HDAC10: variants seen among roughly 807,000 people sequenced by gnomAD.
HDAC10 encodes histone deacetylase 10, also known as polyamine deacetylase HDAC10.
In HDAC10, 90 loss-of-function variants were observed where a neutral mutation model predicts 82.3. That is an observed-to-expected ratio of 1.09 (90% CI 0.92 to 1.30). The LOEUF (loss-of-function observed/expected upper bound fraction) is 1.30. Among genes scored for constraint, HDAC10 ranks in the 50% most tolerant of loss-of-function variants. HDAC10 has a pLI of 0.00. For missense variants in HDAC10, 934 were observed against 876.3 expected (o/e 1.07, Z -0.83); for synonymous variants, 456 against 391.7 (o/e 1.16, Z -1.94).
Position 50,250,522 on chromosome 22 carries a change from G to A in HDAC10, c.196C>T (p.Pro66Ser). Residue 66 changes from proline to serine, a missense_variant and splice_region_variant, in exon 3 of 20, where the codon CCA becomes TCA. Physicochemically the swap from Pro to Ser is moderately conservative, Grantham distance 74 (BLOSUM62 -1). Transcript: ENST00000216271. ...SEEELGLVHS[P>S]EYVSLVRETQ... is the part of the protein sequence containing the mutation. Reference sequence around the variant, plus strand: ...TCCCTGACCAGGGATACATACTCTGGGCTGCATGCAGATGGGCAGGCAGGA... The same window carrying A: ...TCCCTGACCAGGGATACATACTCTGAGCTGCATGCAGATGGGCAGGCAGGA... 1 of 1,612,014 alleles carries A rather than the reference G, an allele frequency of 6.2e-7. No homozygotes were observed. The highest frequency in any genetic ancestry group is 1.1e-5 in the South Asian group (1 of 91,070).
chr22:50,245,496 C>T lies in HDAC10; in HGVS notation c.*11G>A, dbSNP rs1206775844. ...ATTTCTGCGGTGTAAATGCTCCCAC[C>T]TTGGCCGATTTCAAGCCACCAGGTG... On this transcript the variant is annotated 3_prime_UTR_variant, in exon 20 of 20. Transcript: ENST00000216271. 1 of 838,886 alleles carries T rather than the reference C, an allele frequency of 1.2e-6. No homozygotes were observed. The highest frequency in any genetic ancestry group is 1.7e-5 in the African/African-American group (1 of 60,288). The allele number at this position is 838,886 out of a possible 1,614,324, so 52.0% of individuals were successfully genotyped here.
rs1202192070 is a variant in HDAC10, at chr22:50,250,491, T to C, written c.227A>G (p.Gln76Arg). Residue 76 changes from glutamine (Q) to arginine (R), a missense_variant, in exon 3 of 20, where the codon CAG becomes CGG. By Grantham distance (43) the Gln-to-Arg change is conservative (BLOSUM62 1). Coordinates refer to ENST00000216271, the MANE Select transcript of HDAC10 (RefSeq NM_032019.6). ...CTGCAGCTCCTCCTTGCCTAGGACC[T>C]GGGTCTCCCTGACCAGGGATACATA... ...PEYVSLVRET[Q>R]VLGKEELQAL... is the part of the protein sequence containing the mutation. 1.2e-6 allele frequency: 2 copies of C among 1,612,534 alleles called. No individual in the cohort carries two copies. Among genetic ancestry groups the C allele is most frequent in the Admixed American group, 3.3e-5 (2 of 59,994 alleles).
rs915740664 is a variant in HDAC10, at chr22:50,248,046, G to A, written c.1181C>T (p.Ala394Val). The A allele has an allele frequency of 5.0e-6, 8 of 1,611,112 alleles. No individual in the cohort carries two copies. In the African/African-American group the frequency reaches 1.1e-4, roughly 22 times the overall value. ...CGGCTGGTCCAGGAGGGAGCTCGGT[G>A]CAGATGCAGCTGCCTTACACACTGG... is the stretch of plus-strand genomic sequence containing the variant. ...GGPVCKAAASAPSSLLDQPCL... is the reference protein window; with the variant it reads ...GGPVCKAAASVPSSLLDQPCL... Residue 394 changes from alanine (A) to valine (V), a missense_variant, in exon 13 of 20, where the codon GCA becomes GTA. Physicochemically the swap from Ala to Val is moderately conservative, Grantham distance 64. Coordinates refer to ENST00000216271, the MANE Select transcript of HDAC10 (RefSeq NM_032019.6). The surrounding 1 kb of genome is among the most constrained non-coding windows in gnomAD (Gnocchi z 5.4).
chr22:50,250,374 C>T, intron 3 of HDAC10, 53 bp downstream of exon 3: 1 of 1,558,414 alleles, frequency 6.4e-7, no homozygotes, highest in South Asian at 1.1e-5. Context: ...TGTGAACGCT[C>T]AAAGGCACGT....
chr22:50,249,588 CA>C lies in HDAC10; in HGVS notation c.563+46del, dbSNP rs760521718. On this transcript the variant is annotated intron_variant, in intron 6 of 19. Transcript: ENST00000216271. This position sits in a 1 kb window ranked among gnomAD's most constrained non-coding sequence, Gnocchi z 4.4. ...ATTTTCCCAGGCCAGGCTGTGCACC[CA>C]AAAACTGGGGCTGCAGGGAAGGGTG... 4 of 1,611,022 alleles carry C rather than the reference CA, an allele frequency of 2.5e-6. No homozygotes were observed. The highest frequency in any genetic ancestry group is 2.2e-5 in the South Asian group (2 of 91,038).
chr22:50,250,947 AC>A (rs780245297), intron 1 of HDAC10, 26 bp downstream of exon 1: 51 of 1,610,300 alleles, frequency 3.2e-5, no homozygotes, highest in Non-Finnish European at 4.1e-5. Context: ...CCCTCCCCGC[AC>A]CCCACCTCGG....
chr22:50,246,069 G>A lies in HDAC10; in HGVS notation c.1674C>T (p.Cys558=). 1 of 1,609,564 alleles carries A rather than the reference G, an allele frequency of 6.2e-7. No individual in the cohort carries two copies. Among genetic ancestry groups the A allele is most frequent in the Non-Finnish European group, 8.5e-7 (1 of 1,177,606 alleles). ...CCAGGGGCAGCACCAAGCCCAAGAT[G>A]CAGCTCAGGAAACCACCGGTCATCT... ...LPVMTGGFLS[C]ILGLVLPLAY... is the part of the protein sequence containing the mutation. Residue 558 remains cysteine, a synonymous_variant, in exon 18 of 20, where the codon TGC becomes TGT. Transcript: ENST00000216271.
At position 50,249,929 on chromosome 22, in the gene HDAC10, T is replaced by C. The variant is rs752069436; in HGVS notation, c.425A>G (p.Asn142Ser). The C allele has an allele frequency of 3.1e-6, 5 of 1,612,752 alleles. No homozygotes were observed. The highest frequency in any genetic ancestry group is 1.6e-4 in the Middle Eastern group (1 of 6,062). Residue 142 changes from asparagine (N) to serine (S), a missense_variant, in exon 5 of 20, where the codon AAC (asparagine) becomes AGC (serine). Coordinates refer to ENST00000216271, the MANE Select transcript of HDAC10 (RefSeq NM_032019.6). The surrounding 1 kb of genome is among the most constrained non-coding windows in gnomAD (Gnocchi z 4.4). ...CACGTTGTTGAACACACAGAACCCG[T>C]TGGCAGCCGCCCTCTGGCCATGGTG... is the stretch of plus-strand genomic sequence containing the variant. The part of the protein sequence containing the change: ...PGHHGQRAAA[N>S]GFCVFNNVAI...
chr22:50,249,227 G>GT lies in HDAC10; in HGVS notation c.691-60_691-59insA. The GT allele has an allele frequency of 2.5e-6, 3 of 1,208,236 alleles. No homozygotes were observed. Among genetic ancestry groups the GT allele is most frequent in the Non-Finnish European group, 3.3e-6 (3 of 906,820 alleles). 74.8% of individuals were successfully genotyped at this position (1,208,236 alleles called of 1,614,324 possible). On this transcript the variant is annotated intron_variant, in intron 7 of 19. Coordinates refer to ENST00000216271, the MANE Select transcript of HDAC10 (RefSeq NM_032019.6). The surrounding 1 kb of genome is among the most constrained non-coding windows in gnomAD (Gnocchi z 4.4). ...TGGGGCAGGGGAGGGGCCCGGGGGA[G>GT]GGGGTGGGTGGGGACCTGGGGCTTG...
chr22:50,247,826 C>T (rs771403980), intron 13 of HDAC10, 50 bp from the exon 14 acceptor site: 1 of 1,612,602 alleles, frequency 6.2e-7, no homozygotes, highest in Middle Eastern at 1.6e-4. Flanking sequence ...GACCGCAGGT[C>T]AGGCACACAC....
At position 50,246,696 on chromosome 22, in the gene HDAC10, T is replaced by C; in HGVS notation, c.1554A>G (p.Pro518=). ...AGTCCTACCCGTCATGGGCGAGGTC[T>C]GGAGGCCGGTCCAGCTGTCCCAGGG... ...CVALGQLDRP[P]DLAHDGRSLW... The change falls in exon 16 of 20, where the codon CCA becomes CCG. Residue 518 remains proline (P), a synonymous_variant. Transcript: ENST00000216271. The C allele has an allele frequency of 6.2e-7, 1 of 1,611,740 alleles. No individual in the cohort carries two copies. Among genetic ancestry groups the C allele is most frequent in the Non-Finnish European group, 8.5e-7 (1 of 1,179,884 alleles).
At position 50,246,749 on chromosome 22, in the gene HDAC10, T is replaced by G; in HGVS notation, c.1515-14A>C. 6.2e-7 allele frequency: 1 copy of G among 1,612,960 alleles called. No homozygotes were observed. The highest frequency in any genetic ancestry group is 8.5e-7 in the Non-Finnish European group (1 of 1,179,948). On this transcript the variant is annotated splice_polypyrimidine_tract_variant and intron_variant, in intron 15 of 19. Coordinates refer to ENST00000216271, the MANE Select transcript of HDAC10 (RefSeq NM_032019.6). ...ACGCACAGCAGCCTGGAAGAAGAGCTGGCCTCAGGACAGGTGTTCATGTTG... is the reference window on the plus strand; with the variant it reads ...ACGCACAGCAGCCTGGAAGAAGAGCGGGCCTCAGGACAGGTGTTCATGTTG...
intron 17 of HDAC10, 99 bp from the exon 18 acceptor site, chr22:50,246,191 G>C: frequency 6.6e-7 from 1 of 1,523,368 alleles, no homozygotes. Context: ...GGAGCAGGGA[G>C]ACAGGAAGGA....
chr22:50,246,685 T>C lies in HDAC10; in HGVS notation c.1565A>G (p.His522Arg), dbSNP rs765056280. The change falls in exon 16 of 20, where the codon CAT becomes CGT. Residue 522 changes from histidine (H) to arginine (R), a missense_variant. Transcript: ENST00000216271. ...CAAGACCTGAGAGTCCTACCCGTCA[T>C]GGGCGAGGTCTGGAGGCCGGTCCAG... is the stretch of plus-strand genomic sequence containing the variant. The part of the protein sequence containing the change: ...GQLDRPPDLA[H>R]DGRSLWLNIR... 62 of 1,611,400 alleles carry C rather than the reference T, an allele frequency of 3.8e-5. No individual in the cohort carries two copies. In the East Asian group the frequency reaches 1.3e-3, roughly 34 times the overall value.
In HDAC10 at chr22:50,248,904, C is replaced by T. The variant is rs749420699; in HGVS notation, c.757-14G>A. The T allele has an allele frequency of 1.1e-5, 17 of 1,609,204 alleles. No individual in the cohort carries two copies. The highest frequency in any genetic ancestry group is 6.6e-5 in the South Asian group (6 of 90,242). ...CTCAGGGTCAAACTACAGGCCAGGCCGGAGTGGGGAGGGTCGACAGAGAGG... is the reference window on the plus strand; with the variant it reads ...CTCAGGGTCAAACTACAGGCCAGGCTGGAGTGGGGAGGGTCGACAGAGAGG... On this transcript the variant is annotated splice_polypyrimidine_tract_variant and intron_variant, in intron 8 of 19. Transcript: ENST00000216271. This position sits in a 1 kb window ranked among gnomAD's most constrained non-coding sequence, Gnocchi z 5.4.
At chr22:50,247,189 C>T (rs1453950622) in intron 14 of HDAC10, 4 of 433,902 alleles carry the variant, frequency 9.2e-6, no homozygotes, top group Admixed American at 4.1e-5. Flanking sequence ...GCCAGGCTGG[C>T]GTGCAGTGGC....
In HDAC10 at chr22:50,249,355, G is replaced by C. The variant is rs931697904; in HGVS notation, c.663C>G (p.Gly221=). 3.7e-6 allele frequency: 6 copies of C among 1,611,852 alleles called. No individual in the cohort carries two copies. The African/African-American group carries it at 6.7e-5, about 18-fold the overall frequency. The change falls in exon 7 of 20, where the codon GGC becomes GGG. Residue 221 remains glycine (G), a synonymous_variant. Coordinates refer to ENST00000216271, the MANE Select transcript of HDAC10 (RefSeq NM_032019.6). This position sits in a 1 kb window ranked among gnomAD's most constrained non-coding sequence, Gnocchi z 4.4. ...ADAVGRGQGL[G]FTVNLPWNQV... Reference sequence around the variant, plus strand: ...GGTTCCAGGGCAGGTTGACAGTGAAGCCGAGGCCCTGTCCCCGCCCCACTG... The same window carrying C: ...GGTTCCAGGGCAGGTTGACAGTGAACCCGAGGCCCTGTCCCCGCCCCACTG...
In HDAC10 at chr22:50,249,166, A is replaced by G. The variant is rs75455741; in HGVS notation, c.693T>C (p.Val231=). ...CCACGTAGTCAGCGTTTCCCATCCC[A>G]ACCTGGCAGGACATCCCAGGCTACA... ...GFTVNLPWNQ[V]GMGNADYVAA... The change falls in exon 8 of 20, where the codon GTT becomes GTC. Residue 231 remains valine, a splice_region_variant and synonymous_variant. Coordinates refer to ENST00000216271, the MANE Select transcript of HDAC10 (RefSeq NM_032019.6). This position sits in a 1 kb window ranked among gnomAD's most constrained non-coding sequence, Gnocchi z 4.4. The G allele has an allele frequency of 0.027, 42,033 of 1,585,244 alleles. 898 individuals are homozygous for G. Among genetic ancestry groups the G allele is most frequent in the East Asian group, 0.1 (4,360 of 42,758 alleles).
chr22:50,250,692 C>G, intron 2 of HDAC10, 79 bp downstream of exon 2: 4 of 1,434,350 alleles, frequency 2.8e-6, no homozygotes, highest in Non-Finnish European at 2.8e-6. Context: ...CTGGCAGGCT[C>G]GGGGTAGGCC....
Sources: gnomAD v4.1 joint callset for allele counts on GRCh38, gnomAD v4.1.1 for gene constraint, Gnocchi (gnomAD v3.1) non-coding constraint, MANE v1.5 for transcripts, NCBI Gene and HGNC (gene_info 2026-07-23, HGNC 2026-07-21) for gene names.